ARHGEF33: variants seen among roughly 807,000 people sequenced by gnomAD.
ARHGEF33 encodes DH and coiled-coil domain-containing protein ENSP00000381780.
ARHGEF33 carries 72 observed loss-of-function variants against 101.9 expected under a neutral mutation model. The ratio of observed to expected loss-of-function variants is 0.71; its 90% CI spans 0.58 to 0.86. The LOEUF is 0.86. Ranked by LOEUF, ARHGEF33 falls within the 40% of genes least tolerant of loss-of-function variation. ARHGEF33 has a pLI of 0.00. For missense variants in ARHGEF33, 1,169 were observed against 1,111.3 expected (o/e 1.05, Z -0.74); for synonymous variants, 499 against 442.5 (o/e 1.13, Z -1.60).
intron 10 of ARHGEF33, among the ~76,000 whole-genome samples, chr2:38,946,321 C>T (rs970521654): frequency 4.6e-5 from 7 of 151,956 alleles, no homozygotes; most frequent in African/African-American, 7.3e-5. Context: ...TCAAATCCTA[C>T]GAGATTGAAA....
chr2:38,937,080 T>C (rs1237851429), intron 8 of ARHGEF33: 25 of 293,794 alleles, frequency 8.5e-5, no homozygotes, highest in Non-Finnish European at 1.2e-4. Context: ...CTGCAACCTC[T>C]GCCTCCTGGG....
chr2:38,963,156 A>G (rs570861311), intron 16 of ARHGEF33, among the ~76,000 whole-genome samples: 115 of 152,240 alleles, frequency 7.6e-4, no homozygotes, highest in African/African-American at 2.7e-3. Context: ...ATGTCTAAGT[A>G]TATATATGCA....
intron 4 of ARHGEF33, among the ~76,000 whole-genome samples, chr2:38,928,313 C>G (rs550680789): frequency 2.0e-5 from 3 of 152,144 alleles, no homozygotes; most frequent in Admixed American, 1.3e-4. Context: ...CCAGATATTT[C>G]TTTGCCTTCC....
intron 1 of ARHGEF33, among the ~76,000 whole-genome samples, chr2:38,895,531 C>G (rs1355243987): frequency 1.3e-5 from 2 of 152,078 alleles, no homozygotes; most frequent in Non-Finnish European, 2.9e-5. Context: ...ATTAGTCCCC[C>G]AAACATATGA....
rs1421950781 is a variant in ARHGEF33 at position 38,960,441 on chromosome 2, C to T, written c.2136C>T (p.Phe712=). ...AKPLSRSLKE[F]PRAPPADGVA... The stretch of plus-strand genomic sequence containing the variant: ...CGCTGAGCCGCTCTCTCAAAGAGTT[C>T]CCGCGTGCGCCGCCAGCCGACGGCG... The change falls in exon 16 of 18, where the codon TTC becomes TTT. Residue 712 remains phenylalanine (F), a synonymous_variant. Transcript: ENST00000409978. 14 of 1,497,262 alleles carry T rather than the reference C, an allele frequency of 9.4e-6. No individual in the cohort carries two copies. In the South Asian group the frequency reaches 1.1e-4, roughly 12 times the overall value. The allele number at this position is 1,497,262 out of a possible 1,614,324, so 92.7% of individuals were successfully genotyped here.
chr2:38,960,328 C>T lies in ARHGEF33; in HGVS notation c.2023C>T (p.Pro675Ser). The change falls in exon 16 of 18, where the codon CCG becomes TCG. Residue 675 changes from proline (P) to serine (S), a missense_variant. Transcript: ENST00000409978. ...EAERPEHPLQPLPKSATSPAG... is the reference protein window; with the variant it reads ...EAERPEHPLQSLPKSATSPAG... The stretch of plus-strand genomic sequence containing the variant: ...CGAGCGGCCGGAGCACCCGCTGCAG[C>T]CGCTGCCCAAGAGCGCTACGTCGCC... The T allele has an allele frequency of 1.9e-6, 3 of 1,541,038 alleles. No homozygotes were observed. The highest frequency in any genetic ancestry group is 1.7e-6 in the Non-Finnish European group (2 of 1,145,724).
At chr2:38,901,311 G>A (rs1466784831) in intron 2 of ARHGEF33, among the ~76,000 whole-genome samples, 2 of 152,128 alleles carry the variant, frequency 1.3e-5, no homozygotes, top group African/African-American at 4.8e-5. Context: ...ATAAATTGGT[G>A]CCAGGGCAGC....
intron 2 of ARHGEF33, among the ~76,000 whole-genome samples, chr2:38,911,067 A>C (rs559724958): frequency 8.0e-4 from 122 of 152,344 alleles, no homozygotes; most frequent in African/African-American, 2.8e-3. Flanking sequence ...GATAACATAC[A>C]TGAGAGTGCT....
At chr2:38,894,079 G>A (rs1210756532) in intron 1 of ARHGEF33, among the ~76,000 whole-genome samples, 1 of 152,026 alleles carries the variant, frequency 6.6e-6, no homozygotes, top group Non-Finnish European at 1.5e-5. Flanking sequence ...AACACTTTAG[G>A]AGGCCGAGAC....
chr2:38,966,218 A>G (rs936444950), intron 17 of ARHGEF33, 73 bp downstream of exon 17: 3 of 1,503,266 alleles, frequency 2.0e-6, no homozygotes, highest in Middle Eastern at 1.7e-4. Context: ...TTTAACAATA[A>G]TAAGTATCAA....
chr2:38,918,078 T>C (rs145508825), intron 2 of ARHGEF33, among the ~76,000 whole-genome samples: 199 of 152,312 alleles, frequency 1.3e-3, no homozygotes, highest in African/African-American at 4.3e-3. Flanking sequence ...GAGGAATTTG[T>C]TGAAAGGAGA....
intron 6 of ARHGEF33, among the ~76,000 whole-genome samples, chr2:38,930,722 T>G (rs1054796343): frequency 2.6e-5 from 4 of 152,174 alleles, no homozygotes; most frequent in African/African-American, 9.7e-5. Context: ...GGAGAACAGG[T>G]TGTTTTCAGG....
At chr2:38,901,931 C>G (rs1485363521) in intron 2 of ARHGEF33, among the ~76,000 whole-genome samples, 1 of 152,000 alleles carries the variant, frequency 6.6e-6, no homozygotes, top group Admixed American at 6.6e-5. Context: ...CTGGCTAACA[C>G]AGTGAAACCC....
At chr2:38,941,874 T>G (rs1274252598) in intron 9 of ARHGEF33, among the ~76,000 whole-genome samples, 1 of 151,864 alleles carries the variant, frequency 6.6e-6, no homozygotes, top group Non-Finnish European at 1.5e-5. Context: ...CTGGTAACTT[T>G]TAGGATCTTG....
intron 2 of ARHGEF33, among the ~76,000 whole-genome samples, chr2:38,900,131 G>A (rs1666208344): frequency 6.6e-6 from 1 of 152,202 alleles, no homozygotes; most frequent in African/African-American, 2.4e-5. Context: ...GATCGAGGCT[G>A]CAGTGAGCTA....
chr2:38,945,571 G>A (rs1381916587), intron 10 of ARHGEF33, among the ~76,000 whole-genome samples: 1 of 152,196 alleles, frequency 6.6e-6, no homozygotes, highest in African/African-American at 2.4e-5. Context: ...TGCGCTGCAG[G>A]CCTCTGGAAG....
At chr2:38,961,036 C>T (rs185281494) in intron 16 of ARHGEF33, among the ~76,000 whole-genome samples, 1 of 151,934 alleles carries the variant, frequency 6.6e-6, no homozygotes, top group Non-Finnish European at 1.5e-5. Context: ...TTTTCAGAGC[C>T]CCGCACGCAG....
At chr2:38,900,333 A>C (rs1224146916) in intron 2 of ARHGEF33, among the ~76,000 whole-genome samples, 1 of 152,178 alleles carries the variant, frequency 6.6e-6, no homozygotes, top group East Asian at 1.9e-4. Context: ...AGCTTCATAG[A>C]GAAAGAGGTG....
intron 9 of ARHGEF33, among the ~76,000 whole-genome samples, chr2:38,942,122 C>T (rs1326954246): frequency 6.7e-6 from 1 of 150,306 alleles, no homozygotes; most frequent in Non-Finnish European, 1.5e-5. Flanking sequence ...TCTCAACTGC[C>T]ATCTTTTGCT....
Sources: allele counts gnomAD v4.1 joint callset (sites outside exome capture counted in the v4.1 genomes callset), GRCh38; gene constraint gnomAD v4.1.1; transcripts MANE v1.5; gene names NCBI Gene and HGNC (gene_info 2026-07-23, HGNC 2026-07-21).